Variants in AKAP9 observed in about 807,000 individuals in gnomAD.
AKAP9 encodes A-kinase anchoring protein 9.
AKAP9 carries 311 observed loss-of-function variants against 488.5 expected under a neutral mutation model. That is an observed-to-expected ratio of 0.64 (90% CI 0.58 to 0.70). The LOEUF is 0.70. AKAP9 is among the 30% of genes least tolerant of loss of function. The probability of loss-of-function intolerance (pLI) is 0.00; values close to 1 mark genes in which losing one functional copy is unlikely to be tolerated. For synonymous variants in AKAP9, 1,462 were observed against 1,483.5 expected, an observed-to-expected ratio of 0.99 and a Z score of 0.33; for missense variants, 4,215 against 4,374.5, an observed-to-expected ratio of 0.96 and a Z score of 1.03.
intron 9 of AKAP9, 56 bp from the exon 10 acceptor site, chr7:92,014,193 A>G (rs1283840007): frequency 1.7e-6 from 2 of 1,194,606 alleles, no homozygotes; most frequent in Non-Finnish European, 2.5e-6. Context: ...GTTAAATATG[A>G]TCATAGTTCT....
chr7:92,013,621 G>A (rs1801100467), intron 9 of AKAP9, among the ~76,000 whole-genome samples: 1 of 152,172 alleles, frequency 6.6e-6, no homozygotes, highest in Non-Finnish European at 1.5e-5. Flanking sequence ...TCCATAAACA[G>A]TAAGTATTAA....
chr7:92,046,832 C>G lies in AKAP9; in HGVS notation c.5368+1619C>G, dbSNP rs149060753. On this transcript the variant is annotated intron_variant, in intron 21 of 49. Coordinates refer to ENST00000356239, the MANE Select transcript of AKAP9 (RefSeq NM_005751.5). Reference sequence around the variant, plus strand: ...CTTAACCATTTAGGGAGGGATTTTGCTGTTCTGCTGGTAAGACCTAGACCA... The same window carrying G: ...CTTAACCATTTAGGGAGGGATTTTGGTGTTCTGCTGGTAAGACCTAGACCA... 2.0e-3 allele frequency among the ~76,000 whole-genome samples: 306 copies of G among 152,286 alleles called. 2 individuals carry two copies. In the East Asian group the frequency reaches 0.02, roughly 10 times the overall value.
Position 92,096,707 on chromosome 7 carries a change from G to A in AKAP9, c.9748G>A (p.Glu3250Lys). 4 of 1,613,902 alleles carry A rather than the reference G, an allele frequency of 2.5e-6. No homozygotes were observed. Among genetic ancestry groups the A allele is most frequent in the Non-Finnish European group, 3.4e-6 (4 of 1,179,890 alleles). The change falls in exon 41 of 50, where the codon GAG (glutamate) becomes AAG (lysine). Residue 3250 changes from glutamate to lysine, a missense_variant. Glu to Lys is a moderately conservative substitution (Grantham distance 56, BLOSUM62 1). Around this residue, in one of 5 missense-constraint regions of AKAP9, gnomAD observed 1,476 missense variants for 1,477.4 expected, o/e 1.00. Coordinates refer to ENST00000356239, the MANE Select transcript of AKAP9 (RefSeq NM_005751.5). ...GTACCAGGATCTGAAGTTTTCACTTGAGAGTCAGAAACAAAGGAATCTTCA... is the reference window on the plus strand; with the variant it reads ...GTACCAGGATCTGAAGTTTTCACTTAAGAGTCAGAAACAAAGGAATCTTCA... ...EELEDLKFSL[E>K]SQKQRNLQLN...
Position 91,995,769 on chromosome 7 carries a change from T to C in AKAP9, c.899T>C (p.Phe300Ser). 6.2e-7 allele frequency: 1 copy of C among 1,610,606 alleles called. No individual in the cohort carries two copies. Among genetic ancestry groups the C allele is most frequent in the Non-Finnish European group, 8.5e-7 (1 of 1,177,086 alleles). ...KKEDFTMQIS[F>S]LQEKIKVYEM... is the part of the protein sequence containing the mutation. Reference sequence around the variant, plus strand: ...GAAGACTTCACAATGCAAATTAGTTTCTTGCAAGAGAAAATTAAAGTATAT... The same window carrying C: ...GAAGACTTCACAATGCAAATTAGTTCCTTGCAAGAGAAAATTAAAGTATAT... Residue 300 changes from phenylalanine to serine, a missense_variant, in exon 7 of 50, where the codon TTC becomes TCC. Phe to Ser is a radical substitution (Grantham distance 155). This residue lies in a region of AKAP9 where 2,361 missense variants were observed against 2,430.0 expected (regional missense o/e 0.97). Transcript: ENST00000356239.
chr7:92,106,046 A>T (rs1818465451), intron 47 of AKAP9, among the ~76,000 whole-genome samples: 1 of 152,224 alleles, frequency 6.6e-6, no homozygotes, highest in African/African-American at 2.4e-5. Context: ...CTGGGGTGGA[A>T]CAGTTTCATC....
chr7:92,062,389 A>G lies in AKAP9; in HGVS notation c.5880A>G (p.Gln1960=). 1.2e-6 allele frequency: 2 copies of G among 1,613,972 alleles called. No individual in the cohort carries two copies. The highest frequency in any genetic ancestry group is 1.7e-6 in the Non-Finnish European group (2 of 1,179,874). The part of the protein sequence containing the change: ...QELLCASNRL[Q]ELEAEQQQIQ... ...TGTTATGTGCAAGTAACAGGTTGCAAGAATTGGAGGCAGAGCAACAGCAGA... is the reference window on the plus strand; with the variant it reads ...TGTTATGTGCAAGTAACAGGTTGCAGGAATTGGAGGCAGAGCAACAGCAGA... The change falls in exon 24 of 50, where the codon CAA becomes CAG. Residue 1960 remains glutamine (Q), a synonymous_variant. Coordinates refer to ENST00000356239, the MANE Select transcript of AKAP9 (RefSeq NM_005751.5).
intron 38 of AKAP9, chr7:92,090,616 C>A: frequency 9.4e-6 from 1 of 105,856 alleles, no homozygotes. Flanking sequence ...AGCAAGACTC[C>A]ATCTCAAAAA....
chr7:91,959,730 A>C (rs1276033594), intron 1 of AKAP9, among the ~76,000 whole-genome samples: 1 of 152,178 alleles, frequency 6.6e-6, no homozygotes, highest in Non-Finnish European at 1.5e-5. Flanking sequence ...TTTATTTAAA[A>C]AAAAATTATA....
chr7:91,945,508 A>AAAAAC (rs1181143051), intron 1 of AKAP9, among the ~76,000 whole-genome samples: 2 of 152,168 alleles, frequency 1.3e-5, no homozygotes, highest in East Asian at 1.9e-4. Context: ...CTCTGTCTCA[A>AAAAAC]AAAACAAAAC....
intron 20 of AKAP9, among the ~76,000 whole-genome samples, chr7:92,043,963 C>A (rs1359808903): frequency 6.6e-6 from 1 of 152,140 alleles, no homozygotes; most frequent in African/African-American, 2.4e-5. Context: ...GTTGCTAGGA[C>A]AAGAGAGTTG....
At chr7:91,970,169 A>G (rs894746459) in intron 1 of AKAP9, among the ~76,000 whole-genome samples, 4 of 152,200 alleles carry the variant, frequency 2.6e-5, no homozygotes, top group Admixed American at 6.5e-5. Flanking sequence ...TTTAGATCAC[A>G]AAGAAAATAA....
At chr7:92,036,360 A>G (rs1335006589) in intron 16 of AKAP9, among the ~76,000 whole-genome samples, 1 of 151,562 alleles carries the variant, frequency 6.6e-6, no homozygotes, top group East Asian at 1.9e-4. Flanking sequence ...GCTGGAGTGC[A>G]GTGGTGTGAT....
Position 92,022,298 on chromosome 7 carries a change from G to A in AKAP9, c.3898G>A (p.Glu1300Lys). 1 of 1,613,708 alleles carries A rather than the reference G, an allele frequency of 6.2e-7. No individual in the cohort carries two copies. The highest frequency in any genetic ancestry group is 8.5e-7 in the Non-Finnish European group (1 of 1,179,736). ...ATTTGGAGAAGAAAACCTTCCAAAA[G>A]AGGAAACAGAGTTTTTATCAATCCA... Reference protein sequence around the residue: ...LEFGEENLPKEETEFLSIHSQ... With the variant: ...LEFGEENLPKKETEFLSIHSQ... The change falls in exon 13 of 50, where the codon GAG becomes AAG. Residue 1300 changes from glutamate to lysine, a missense_variant. By Grantham distance (56) the Glu-to-Lys change is moderately conservative. Transcript: ENST00000356239.
At chr7:92,057,932 G>A (rs185542081) in intron 22 of AKAP9, 1 of 225,406 alleles carries the variant, frequency 4.4e-6, no homozygotes, top group African/African-American at 2.2e-5. Flanking sequence ...TTTTTTTGAG[G>A]GGGCATCAAG....
chr7:92,070,466 C>T (rs1303800755), intron 27 of AKAP9, among the ~76,000 whole-genome samples: 1 of 151,842 alleles, frequency 6.6e-6, no homozygotes, highest in Admixed American at 6.6e-5. Flanking sequence ...CATAGTTTCG[C>T]TCTTCTTGCC....
At chr7:92,006,167 T>A (rs895705340) in intron 8 of AKAP9, among the ~76,000 whole-genome samples, 3 of 152,024 alleles carry the variant, frequency 2.0e-5, no homozygotes, top group African/African-American at 7.2e-5. Flanking sequence ...TTTCTTTTTT[T>A]TTTGAGACAG....
Position 92,052,724 on chromosome 7 carries a change from A to G in AKAP9, c.5369-2A>G. The G allele has an allele frequency of 5.0e-6, 8 of 1,593,216 alleles. No individual in the cohort carries two copies. Among genetic ancestry groups the G allele is most frequent in the Non-Finnish European group, 6.9e-6 (8 of 1,161,430 alleles). Reference sequence around the variant, plus strand: ...TATGCCTTTAAAACACTGTTATTCTAGTTACAGATGAATCCATTCCCTCTT... The same window carrying G: ...TATGCCTTTAAAACACTGTTATTCTGGTTACAGATGAATCCATTCCCTCTT... On this transcript the variant is annotated splice_acceptor_variant, in intron 21 of 49. Coordinates refer to ENST00000356239, the MANE Select transcript of AKAP9 (RefSeq NM_005751.5). LOFTEE classifies it high-confidence loss of function.
Position 92,012,507 on chromosome 7 carries a change from G to A in AKAP9, c.3397G>A (p.Glu1133Lys). 1 of 1,613,996 alleles carries A rather than the reference G, an allele frequency of 6.2e-7. No homozygotes were observed. The highest frequency in any genetic ancestry group is 8.5e-7 in the Non-Finnish European group (1 of 1,179,964). ...TTCAACTCATGTGGATCAGGTTCGT[G>A]AATATATGGAAAATGAAAAAGATAA... is the stretch of plus-strand genomic sequence containing the variant. Reference protein sequence around the residue: ...VYSTHVDQVREYMENEKDKAL... With the variant: ...VYSTHVDQVRKYMENEKDKAL... The change falls in exon 9 of 50, where the codon GAA (glutamate) becomes AAA (lysine). Residue 1133 changes from glutamate (E) to lysine (K), a missense_variant. Physicochemically the swap from Glu to Lys is moderately conservative, Grantham distance 56 (BLOSUM62 1). Around this residue, in one of 5 missense-constraint regions of AKAP9, gnomAD observed 2,361 missense variants for 2,430.0 expected, o/e 0.97. Coordinates refer to ENST00000356239, the MANE Select transcript of AKAP9 (RefSeq NM_005751.5).
chr7:92,044,019 T>G (rs771515823), intron 20 of AKAP9, among the ~76,000 whole-genome samples: 1 of 152,210 alleles, frequency 6.6e-6, no homozygotes, highest in African/African-American at 2.4e-5. Flanking sequence ...GAATCACCAT[T>G]TATGGAAGTA....
Sources: allele counts gnomAD v4.1 joint callset (sites outside exome capture counted in the v4.1 genomes callset), GRCh38; gene constraint gnomAD v4.1.1; regional missense constraint gnomAD v4.1.1; transcripts MANE v1.5; gene names NCBI Gene and HGNC (gene_info 2026-07-23, HGNC 2026-07-21).